MALRD1: variants seen among roughly 807,000 people sequenced by gnomAD.
MALRD1 encodes the protein MAM and LDL receptor class A domain containing 1.
In MALRD1, 247 loss-of-function variants were observed where a neutral mutation model predicts 242.1. The ratio of observed to expected loss-of-function variants is 1.02; its 90% CI spans 0.92 to 1.13. MALRD1 has a LOEUF of 1.13. Among genes scored for constraint, MALRD1 ranks in the 50% most tolerant of loss-of-function variants. The probability of loss-of-function intolerance (pLI) is 0.00; values close to 1 mark genes in which losing one functional copy is unlikely to be tolerated. For synonymous variants in MALRD1, 995 were observed against 866.6 expected (o/e 1.15, Z -2.60); for missense variants, 2,989 against 2,533.1 (o/e 1.18, Z -3.86).
chr10:19,209,713 A>AT (rs1470976333), intron 18 of MALRD1, 33 bp downstream of exon 18: 3 of 1,483,698 alleles, frequency 2.0e-6, no homozygotes, highest in Admixed American at 4.7e-5. Flanking sequence ...TGTACATTTG[A>AT]AATGCATCTG....
intron 36 of MALRD1, among the ~76,000 whole-genome samples, chr10:19,625,525 A>C (rs1420951431): frequency 6.6e-6 from 1 of 152,066 alleles, no homozygotes; most frequent in African/African-American, 2.4e-5. Flanking sequence ...TGTACGAAAA[A>C]GGAAAGAGAT....
chr10:19,584,894 T>A (rs1300271597), intron 33 of MALRD1, among the ~76,000 whole-genome samples: 1 of 151,770 alleles, frequency 6.6e-6, no homozygotes, highest in Non-Finnish European at 1.5e-5. Flanking sequence ...ACTTGCTTTA[T>A]GAATCTGGGT....
chr10:19,631,715 G>C (rs1274173588), intron 36 of MALRD1, among the ~76,000 whole-genome samples: 1 of 152,126 alleles, frequency 6.6e-6, no homozygotes, highest in Non-Finnish European at 1.5e-5. Flanking sequence ...TGTCATTGTG[G>C]TTTTGATTTA....
chr10:19,684,802 A>G (rs759577734), intron 36 of MALRD1, among the ~76,000 whole-genome samples: 7 of 152,150 alleles, frequency 4.6e-5, no homozygotes, highest in Non-Finnish European at 8.8e-5. Context: ...AAACAAGCCT[A>G]TGTACTGTGA....
chr10:19,160,356 C>T lies in MALRD1; in HGVS notation c.1656+5184C>T, dbSNP rs937039477. Reference sequence around the variant, plus strand: ...AAGCTTTTTGATGTGCTGCTGGATTCGGTTTGCCAGTATTTTATTGAGGAT... The same window carrying T: ...AAGCTTTTTGATGTGCTGCTGGATTTGGTTTGCCAGTATTTTATTGAGGAT... On this transcript the variant is annotated intron_variant, in intron 12 of 39. Transcript: ENST00000454679. Among the ~76,000 whole-genome samples, 171 of 131,548 alleles carry T rather than the reference C, an allele frequency of 1.3e-3. 1 individual carries two copies. The East Asian group carries it at 0.021, about 16-fold the overall frequency. The allele number at this position is 131,548 out of a possible 152,430, so 86.3% of individuals were successfully genotyped here.
chr10:19,421,588 C>A (rs752194044), intron 28 of MALRD1, among the ~76,000 whole-genome samples: 11 of 152,156 alleles, frequency 7.2e-5, no homozygotes, highest in Non-Finnish European at 1.6e-4. Context: ...ATGAGAAACA[C>A]ATTTCATTAT....
At chr10:19,107,166 A>G (rs368988493) in intron 5 of MALRD1, among the ~76,000 whole-genome samples, 2 of 151,962 alleles carry the variant, frequency 1.3e-5, no homozygotes, top group South Asian at 2.1e-4. Flanking sequence ...TTCGGTTTAA[A>G]TATCATGTTT....
chr10:19,291,199 C>T (rs1841407195), intron 21 of MALRD1, among the ~76,000 whole-genome samples: 1 of 152,018 alleles, frequency 6.6e-6, no homozygotes, highest in South Asian at 2.1e-4. Context: ...AATAAAGTTC[C>T]TCACACTTCA....
intron 5 of MALRD1, 114 bp downstream of exon 5, chr10:19,104,189 G>T (rs1436738093): frequency 1.4e-5 from 8 of 570,524 alleles, no homozygotes; most frequent in African/African-American, 1.2e-4. Context: ...TTTCATGTGG[G>T]ATATTTTTCG....
chr10:19,208,523 T>A (rs900235278), intron 17 of MALRD1, among the ~76,000 whole-genome samples: 3 of 152,162 alleles, frequency 2.0e-5, no homozygotes, highest in Non-Finnish European at 4.4e-5. Flanking sequence ...TGAAGGATTG[T>A]TACCTTGGCA....
intron 36 of MALRD1, among the ~76,000 whole-genome samples, chr10:19,640,076 T>C (rs1219940946): frequency 6.6e-6 from 1 of 152,030 alleles, no homozygotes; most frequent in African/African-American, 2.4e-5. Flanking sequence ...GGATGCTTCA[T>C]TGTCTTCTTT....
At position 19,318,017 on chromosome 10, in the gene MALRD1, C is replaced by T. The variant is rs187557893; in HGVS notation, c.3420-5932C>T. ...TGCTTCTATAAAATGTCCTACTTCCCGCTCTGTATGAGAAAAGATAATTTG... is the reference window on the plus strand; with the variant it reads ...TGCTTCTATAAAATGTCCTACTTCCTGCTCTGTATGAGAAAAGATAATTTG... On this transcript the variant is annotated intron_variant, in intron 21 of 39. Coordinates refer to ENST00000454679, the MANE Select transcript of MALRD1 (RefSeq NM_001142308.3). Among the ~76,000 whole-genome samples, 15 of 152,012 alleles carry T rather than the reference C, an allele frequency of 9.9e-5. No homozygotes were observed. The East Asian group carries it at 2.1e-3, about 22-fold the overall frequency.
At chr10:19,509,278 A>G (rs1833289359) in intron 31 of MALRD1, among the ~76,000 whole-genome samples, 1 of 152,196 alleles carries the variant, frequency 6.6e-6, no homozygotes, top group South Asian at 2.1e-4. Flanking sequence ...TTATGAGCCA[A>G]AAACAAGCAA....
chr10:19,650,956 G>A (rs1350893761), intron 36 of MALRD1, among the ~76,000 whole-genome samples: 2 of 152,112 alleles, frequency 1.3e-5, no homozygotes, highest in African/African-American at 2.4e-5. Context: ...AATGCATCAG[G>A]AGTGGTTTCC....
At chr10:19,145,425 T>C (rs993353914) in intron 10 of MALRD1, among the ~76,000 whole-genome samples, 15 of 151,990 alleles carry the variant, frequency 9.9e-5, no homozygotes, top group African/African-American at 3.6e-4. Context: ...GAGCAGATCA[T>C]TTGAGGTCAG....
intron 13 of MALRD1, among the ~76,000 whole-genome samples, chr10:19,172,464 G>A (rs1348897442): frequency 6.6e-6 from 1 of 151,416 alleles, no homozygotes; most frequent in African/African-American, 2.4e-5. Context: ...TTTTTATTTG[G>A]CTTTTGAAGT....
At chr10:19,627,621 C>T (rs1296992878) in intron 36 of MALRD1, among the ~76,000 whole-genome samples, 3 of 151,528 alleles carry the variant, frequency 2.0e-5, no homozygotes, top group East Asian at 3.9e-4. Flanking sequence ...ATTAACCAGG[C>T]GTGGTGGCAG....
rs574073269 is a variant in MALRD1, at chr10:19,612,447, A to G, written c.6071-3410A>G. ...ATTGCTGATTTTTTTGAAACCAAAA[A>G]TGATGCCAGACTCAAGGTATATTTC... is the stretch of plus-strand genomic sequence containing the variant. On this transcript the variant is annotated intron_variant, in intron 35 of 39. Coordinates refer to ENST00000454679, the MANE Select transcript of MALRD1 (RefSeq NM_001142308.3). Among the ~76,000 whole-genome samples, 291 of 152,024 alleles carry G rather than the reference A, an allele frequency of 1.9e-3. 2 individuals are homozygous for G. Among genetic ancestry groups the G allele is most frequent in the African/African-American group, 6.7e-3 (280 of 41,534 alleles).
chr10:19,414,703 G>A (rs754345227), intron 28 of MALRD1, among the ~76,000 whole-genome samples: 1 of 152,144 alleles, frequency 6.6e-6, no homozygotes, highest in African/African-American at 2.4e-5. Context: ...GGAGGGCTTT[G>A]TGAAAGCTGT....
Sources: gnomAD v4.1 joint callset for allele counts (sites outside exome capture counted in the v4.1 genomes callset) on GRCh38, gnomAD v4.1.1 for gene constraint, MANE v1.5 for transcripts, NCBI Gene and HGNC (gene_info 2026-07-23, HGNC 2026-07-21) for gene names.